The following NDUFA10 variants were observed in gnomAD, a reference collection of about 807,000 sequenced individuals.
NDUFA10 encodes the protein NADH:ubiquinone oxidoreductase subunit A10.
NDUFA10 carries 40 observed loss-of-function variants against 47.8 expected under a neutral mutation model. That is an observed-to-expected ratio of 0.84 (90% CI 0.65 to 1.09). The LOEUF (loss-of-function observed/expected upper bound fraction) is 1.09, where lower values mean the gene tolerates loss of function less well. Among genes scored for constraint, NDUFA10 ranks in the 50% least tolerant of loss-of-function variants. NDUFA10 has a pLI of 0.00. For synonymous variants in NDUFA10, 183 were observed against 172.2 expected, an observed-to-expected ratio of 1.06 and a Z score of -0.49; for missense variants, 413 against 451.1, an observed-to-expected ratio of 0.92 and a Z score of 0.76.
chr2:240,018,307 T>A, intron 4 of NDUFA10: 1 of 1,145,592 alleles, frequency 8.7e-7, no homozygotes, highest in Non-Finnish European at 1.2e-6. Flanking sequence ...TGCGTGTGTT[T>A]GAGGTCCAGG....
At chr2:240,005,611 C>G (rs1052484262) in intron 7 of NDUFA10, among the ~76,000 whole-genome samples, 1 of 152,198 alleles carries the variant, frequency 6.6e-6, no homozygotes, top group Non-Finnish European at 1.5e-5. Flanking sequence ...CCTGCCTCAG[C>G]CTCCCAAAGT....
chr2:240,017,958 C>T (rs2106494408), intron 4 of NDUFA10: 1 of 1,432,678 alleles, frequency 7.0e-7, no homozygotes, highest in Non-Finnish European at 9.6e-7. Context: ...ATTCAACCCA[C>T]CGCCCAACAC....
At chr2:239,984,181 C>T (rs1037697639) in intron 9 of NDUFA10, among the ~76,000 whole-genome samples, 3 of 150,796 alleles carry the variant, frequency 2.0e-5, no homozygotes, top group Non-Finnish European at 4.4e-5. Flanking sequence ...TACAGTGAGT[C>T]AAGATCATGC....
chr2:239,945,733 G>C lies in NDUFA10; in HGVS notation c.294+44341C>G, dbSNP rs1330796090. Among the ~76,000 whole-genome samples the C allele has an allele frequency of 6.6e-6, 1 of 152,230 alleles. No homozygotes were observed. The highest frequency in any genetic ancestry group is 2.4e-5 in the African/African-American group (1 of 41,462). On this transcript the variant is annotated intron_variant, in intron 4 of 5. Coordinates refer to the NDUFA10 transcript ENST00000419408. The surrounding 1 kb of genome is among the most constrained non-coding windows in gnomAD (Gnocchi z 4.6). ...ACTTTGTATTTTTTAAACACACAAT[G>C]AATGTGCACACCAAGAGAAGTGCTG... is the stretch of plus-strand genomic sequence containing the variant.
At chr2:240,003,797 G>C (rs915838424) in intron 8 of NDUFA10, among the ~76,000 whole-genome samples, 2 of 152,120 alleles carry the variant, frequency 1.3e-5, no homozygotes, top group Non-Finnish European at 2.9e-5. Flanking sequence ...GTGGGTGGTG[G>C]AGGACAGACC....
chr2:239,918,345 C>T (rs945422081), intron 4 of NDUFA10, among the ~76,000 whole-genome samples: 1 of 152,208 alleles, frequency 6.6e-6, no homozygotes, highest in African/African-American at 2.4e-5. Flanking sequence ...CGCCCCATCG[C>T]CCTTGCTCTC....
rs1360411161 is a variant in NDUFA10 at position 240,021,377 on chromosome 2, G to C, written c.280C>G (p.Pro94Ala). 1.2e-6 allele frequency: 2 copies of C among 1,614,078 alleles called. No individual in the cohort carries two copies. The highest frequency in any genetic ancestry group is 1.7e-6 in the Non-Finnish European group (2 of 1,180,050). The stretch of plus-strand genomic sequence containing the variant: ...TTCCCATCTCCTGTGGTACTGTCTG[G>C]ATAATGAATCCCCGCTTCAGGAAAG... ...KHFPEAGIHYPDSTTGDGKPL... is the reference protein window; with the variant it reads ...KHFPEAGIHYADSTTGDGKPL... Residue 94 changes from proline to alanine, a missense_variant, in exon 3 of 10, where the codon CCA becomes GCA. Physicochemically the swap from Pro to Ala is conservative, Grantham distance 27. Coordinates refer to ENST00000252711, the MANE Select transcript of NDUFA10 (RefSeq NM_004544.4).
chr2:239,979,892 G>A (rs569805907), intron 9 of NDUFA10, among the ~76,000 whole-genome samples: 30 of 151,996 alleles, frequency 2.0e-4, no homozygotes, highest in Non-Finnish European at 4.1e-4. Context: ...CACCCCACCC[G>A]CATCACACCT....
Position 239,906,338 on chromosome 2 carries a change from T to C in NDUFA10, c.295-11024A>G, listed in dbSNP as rs1025907507. Among the ~76,000 whole-genome samples, 2 of 152,210 alleles carry C rather than the reference T, an allele frequency of 1.3e-5. No individual in the cohort carries two copies. Among genetic ancestry groups the C allele is most frequent in the Non-Finnish European group, 2.9e-5 (2 of 68,038 alleles). ...GACTGTCTAGGCACTGACCACGCCCTGTTGATAGACGCCGAGGCCATTTTC... is the reference window on the plus strand; with the variant it reads ...GACTGTCTAGGCACTGACCACGCCCCGTTGATAGACGCCGAGGCCATTTTC... On this transcript the variant is annotated intron_variant, in intron 4 of 5. Transcript: ENST00000419408. This position sits in a 1 kb window ranked among gnomAD's most constrained non-coding sequence, Gnocchi z 4.3.
chr2:240,017,457 T>C (rs1697406022), intron 4 of NDUFA10, among the ~76,000 whole-genome samples: 1 of 152,178 alleles, frequency 6.6e-6, no homozygotes, highest in Non-Finnish European at 1.5e-5. Flanking sequence ...GGTTACACAT[T>C]TCTCCTATGT....
chr2:239,953,874 A>T (rs1249710753), downstream of NDUFA10, among the ~76,000 whole-genome samples: 1 of 152,258 alleles, frequency 6.6e-6, no homozygotes, highest in African/African-American at 2.4e-5. Flanking sequence ...GCGTCTCTCC[A>T]GGAAGAGCGA....
At position 239,961,143 on chromosome 2, in the gene NDUFA10, C is replaced by G; in HGVS notation, c.1043G>C (p.Gly348Ala). The change falls in exon 10 of 10, where the codon GGA becomes GCA. Residue 348 changes from glycine (G) to alanine (A), a missense_variant. Gly to Ala is a moderately conservative substitution (Grantham distance 60). Coordinates refer to ENST00000252711, the MANE Select transcript of NDUFA10 (RefSeq NM_004544.4). ...KYSPGYNTEV[G>A]DKWIWLK is the part of the protein sequence containing the mutation. ...TCACTTCAGCCAGATCCACTTGTCT[C>G]CCACCTCGGTGTTGTACCCAGGGCT... The G allele has an allele frequency of 6.2e-7, 1 of 1,614,222 alleles. No homozygotes were observed. The highest frequency in any genetic ancestry group is 1.1e-5 in the South Asian group (1 of 91,086).
chr2:240,023,892 T>C (rs1371844430), intron 1 of NDUFA10, among the ~76,000 whole-genome samples: 1 of 152,224 alleles, frequency 6.6e-6, no homozygotes, highest in Non-Finnish European at 1.5e-5. Context: ...TATGAAAAGA[T>C]GAACACTGTA....
At chr2:239,973,403 A>C (rs1249172512) in intron 9 of NDUFA10, 2 of 428,120 alleles carry the variant, frequency 4.7e-6, no homozygotes, top group Non-Finnish European at 9.4e-6. Flanking sequence ...CAGTATTAAC[A>C]TATTAAAGTT....
rs1366052127 is a variant in NDUFA10 at position 239,928,188 on chromosome 2, A to AG, written c.295-32875dup. ...AGGACTTTAAAAAAAAAATAACAAA[A>AG]GAAGAAAACAAATGTAACAGAAAAA... On this transcript the variant is annotated intron_variant, in intron 4 of 5. Transcript: ENST00000419408. This position sits in a 1 kb window ranked among gnomAD's most constrained non-coding sequence, Gnocchi z 4.3. Among the ~76,000 whole-genome samples, 1 of 152,094 alleles carries AG rather than the reference A, an allele frequency of 6.6e-6. No individual in the cohort carries two copies. Among genetic ancestry groups the AG allele is most frequent in the Non-Finnish European group, 1.5e-5 (1 of 68,000 alleles).
rs143344947 is a variant in NDUFA10, at chr2:239,961,265, G to A, written c.1000-79C>T. ...CCAGCTCATAGTTCAATGTCTACCC[G>A]GCAGATGCCTGTACTTCATGAGTTC... is the stretch of plus-strand genomic sequence containing the variant. On this transcript the variant is annotated intron_variant, in intron 9 of 9. Coordinates refer to ENST00000252711, the MANE Select transcript of NDUFA10 (RefSeq NM_004544.4). 107 of 1,606,848 alleles carry A rather than the reference G, an allele frequency of 6.7e-5. 1 individual carries two copies. The highest frequency in any genetic ancestry group is 3.1e-4 in the South Asian group (28 of 90,124).
chr2:239,967,572 G>C (rs986279646), intron 9 of NDUFA10, among the ~76,000 whole-genome samples: 2 of 152,214 alleles, frequency 1.3e-5, no homozygotes, highest in Non-Finnish European at 2.9e-5. Context: ...TCCACGACGT[G>C]GTTTAAGTTC....
rs931644481 is a variant in NDUFA10, at chr2:239,928,161, C to G, written c.295-32847G>C. On this transcript the variant is annotated intron_variant, in intron 4 of 5. Transcript: ENST00000419408. The surrounding 1 kb of genome is among the most constrained non-coding windows in gnomAD (Gnocchi z 4.3). ...GGAGCAGAAGGTCTGTACAAAGATT[C>G]CAGGACTTTAAAAAAAAAATAACAA... Among the ~76,000 whole-genome samples, 1 of 151,640 alleles carries G rather than the reference C, an allele frequency of 6.6e-6. No individual in the cohort carries two copies. Among genetic ancestry groups the G allele is most frequent in the Non-Finnish European group, 1.5e-5 (1 of 67,960 alleles).
chr2:239,991,255 T>C (rs565259788), intron 8 of NDUFA10, among the ~76,000 whole-genome samples: 3 of 152,164 alleles, frequency 2.0e-5, no homozygotes, highest in South Asian at 4.2e-4. Flanking sequence ...GAGTGGACGG[T>C]AGGTATAGCG....
Sources: allele counts gnomAD v4.1 joint callset (sites outside exome capture counted in the v4.1 genomes callset), GRCh38; gene constraint gnomAD v4.1.1; non-coding constraint Gnocchi (gnomAD v3.1); transcripts MANE v1.5; gene names NCBI Gene and HGNC (gene_info 2026-07-23, HGNC 2026-07-21).